The following RIMS1 variants were observed in gnomAD, a reference collection of about 807,000 sequenced individuals.
RIMS1 encodes regulating synaptic membrane exocytosis 1.
In RIMS1, 83 loss-of-function variants were observed where a neutral mutation model predicts 214.1. That is an observed-to-expected ratio of 0.39 (90% CI 0.32 to 0.47). RIMS1 has a LOEUF of 0.47. RIMS1 is among the 20% of genes least tolerant of loss of function. The pLI, the probability that RIMS1 is intolerant of heterozygous loss-of-function variation, is 0.99. For missense variants in RIMS1, 2,050 were observed against 2,161.8 expected, an observed-to-expected ratio of 0.95 and a Z score of 1.03; for synonymous variants, 793 against 786.8, an observed-to-expected ratio of 1.01 and a Z score of -0.13.
At chr6:72,204,009 G>A (rs993177266) in intron 6 of RIMS1, among the ~76,000 whole-genome samples, 3 of 152,130 alleles carry the variant, frequency 2.0e-5, no homozygotes, top group African/African-American at 7.2e-5. Context: ...TATCCAAAAT[G>A]ATTTAACTTA....
rs143696433 is a variant in RIMS1, at chr6:72,129,392, T to A, written c.471+29406T>A. Among the ~76,000 whole-genome samples the A allele has an allele frequency of 8.4e-3, 1,281 of 152,090 alleles. 8 individuals are homozygous for A. The highest frequency in any genetic ancestry group is 0.034 in the South Asian group (166 of 4,818). On this transcript the variant is annotated intron_variant, in intron 4 of 33. Transcript: ENST00000521978. Reference sequence around the variant, plus strand: ...GATGAGATTAGTGACACACTAGGAGTTGGATCATTTTGGTCTGAGTTGCAG... The same window carrying A: ...GATGAGATTAGTGACACACTAGGAGATGGATCATTTTGGTCTGAGTTGCAG...
intron 4 of RIMS1, among the ~76,000 whole-genome samples, chr6:72,146,884 A>C (rs1172325451): frequency 2.0e-5 from 3 of 152,186 alleles, no homozygotes; most frequent in Non-Finnish European, 4.4e-5. Context: ...TTTGATGTAA[A>C]ACCTAGTAAG....
chr6:71,944,168 A>C lies in RIMS1; in HGVS notation c.165-24815A>C, dbSNP rs112591965. Among the ~76,000 whole-genome samples, 122 of 152,342 alleles carry C rather than the reference A, an allele frequency of 8.0e-4. 1 individual carries two copies. The highest frequency in any genetic ancestry group is 2.7e-3 in the African/African-American group (113 of 41,582). ...CTAAGATGAATTAGGTATTATTTTC[A>C]TCTTCATAATGCGTCTTATTACAAA... On this transcript the variant is annotated intron_variant, in intron 1 of 33. Coordinates refer to ENST00000521978, the MANE Select transcript of RIMS1 (RefSeq NM_014989.7).
chr6:72,152,550 TG>T (rs899548141), intron 4 of RIMS1, among the ~76,000 whole-genome samples: 83 of 152,060 alleles, frequency 5.5e-4, no homozygotes, highest in African/African-American at 1.9e-3. Flanking sequence ...AGTGTTCTTG[TG>T]CAGTGTATAT....
At chr6:72,099,878 G>T in intron 3 of RIMS1, 97 bp from the exon 4 acceptor site, 4 of 916,496 alleles carry the variant, frequency 4.4e-6, no homozygotes, top group Non-Finnish European at 5.3e-6. Context: ...ACACATAATT[G>T]TTTTCTTAAA....
chr6:72,193,588 G>A (rs2050400273), intron 6 of RIMS1, among the ~76,000 whole-genome samples: 2 of 152,096 alleles, frequency 1.3e-5, no homozygotes, highest in South Asian at 2.1e-4. Flanking sequence ...GCCTACTAAG[G>A]GTGATTTTGG....
At chr6:71,926,859 A>G (rs1290563000) in intron 1 of RIMS1, among the ~76,000 whole-genome samples, 8 of 152,182 alleles carry the variant, frequency 5.3e-5, no homozygotes, top group African/African-American at 1.9e-4. Context: ...AGACCAGCAG[A>G]GATAATAGGC....
In RIMS1 at chr6:72,160,371, T is replaced by G. The variant is rs1426149989; in HGVS notation, c.472-19204T>G. 1.4e-5 allele frequency among the ~76,000 whole-genome samples: 2 copies of G among 139,882 alleles called. 1 individual carries two copies. Among genetic ancestry groups the G allele is most frequent in the Non-Finnish European group, 3.2e-5 (2 of 61,704 alleles). 91.8% of individuals were successfully genotyped at this position (139,882 alleles called of 152,430 possible). ...TCCTCGTTTCCTAATTGAATACCCT[T>G]TATTTTCTTCTCCTGCCTGATTGCC... is the stretch of plus-strand genomic sequence containing the variant. On this transcript the variant is annotated intron_variant, in intron 4 of 33. Coordinates refer to ENST00000521978, the MANE Select transcript of RIMS1 (RefSeq NM_014989.7).
chr6:72,263,042 T>C lies in RIMS1; in HGVS notation c.3117-1933T>C, dbSNP rs1370261650. The C allele has an allele frequency of 3.4e-6, 3 of 894,504 alleles. No homozygotes were observed. The African/African-American group carries it at 5.4e-5, about 16-fold the overall frequency. 55.4% of individuals were successfully genotyped at this position (894,504 alleles called of 1,614,324 possible). On this transcript the variant is annotated intron_variant, in intron 19 of 33. Transcript: ENST00000521978. ...CGACTAATAGAGTAAGGATTCAAAA[T>C]CAGATCTATTTGATATCTTCTGTTT...
intron 2 of RIMS1, among the ~76,000 whole-genome samples, chr6:72,072,901 A>G (rs981290526): frequency 1.3e-5 from 2 of 152,238 alleles, no homozygotes; most frequent in African/African-American, 4.8e-5. Flanking sequence ...TTGGGATATT[A>G]TCAGTGAGCA....
At chr6:72,087,817 C>A (rs1261016314) in intron 2 of RIMS1, among the ~76,000 whole-genome samples, 1 of 152,160 alleles carries the variant, frequency 6.6e-6, no homozygotes, top group African/African-American at 2.4e-5. Context: ...TATAAAATTT[C>A]CATTGAAAAC....
At chr6:71,897,664 T>TAA (rs1772238658) in intron 1 of RIMS1, among the ~76,000 whole-genome samples, 1 of 152,160 alleles carries the variant, frequency 6.6e-6, no homozygotes, top group Non-Finnish European at 1.5e-5. Flanking sequence ...TTTTGATTGT[T>TAA]TTATTTGATT....
intron 2 of RIMS1, among the ~76,000 whole-genome samples, chr6:72,002,393 A>G (rs1035431577): frequency 6.6e-6 from 1 of 152,176 alleles, no homozygotes; most frequent in Admixed American, 6.5e-5. Context: ...AGACTTGGCA[A>G]CAATACCCCA....
intron 27 of RIMS1, among the ~76,000 whole-genome samples, chr6:72,310,559 G>A (rs1261199282): frequency 6.6e-6 from 1 of 152,016 alleles, no homozygotes; most frequent in Non-Finnish European, 1.5e-5. Context: ...GATGTGATGG[G>A]TTTTGTAGGT....
At chr6:72,215,588 TTAAC>T (rs2055560811) in intron 6 of RIMS1, among the ~76,000 whole-genome samples, 1 of 152,064 alleles carries the variant, frequency 6.6e-6, no homozygotes, top group East Asian at 1.9e-4. Context: ...GAGAAATAAA[TTAAC>T]TAAATAAAAT....
intron 29 of RIMS1, among the ~76,000 whole-genome samples, chr6:72,389,959 T>C (rs2098675861): frequency 6.6e-6 from 1 of 152,092 alleles, no homozygotes; most frequent in South Asian, 2.1e-4. Context: ...TGCAGCTGAG[T>C]CAAAAGGCCA....
intron 2 of RIMS1, among the ~76,000 whole-genome samples, chr6:71,987,183 C>T (rs1584240834): frequency 6.6e-6 from 1 of 152,188 alleles, no homozygotes; most frequent in African/African-American, 2.4e-5. Context: ...ATAAATGATA[C>T]TGTATAAACC....
intron 2 of RIMS1, among the ~76,000 whole-genome samples, chr6:72,069,296 C>T (rs1296733159): frequency 6.6e-6 from 1 of 152,152 alleles, no homozygotes; most frequent in Non-Finnish European, 1.5e-5. Context: ...GCAGCAGCTT[C>T]TGTTGTGGCA....
At chr6:72,030,054 A>C (rs1464104783) in intron 2 of RIMS1, among the ~76,000 whole-genome samples, 1 of 152,208 alleles carries the variant, frequency 6.6e-6, no homozygotes, top group Non-Finnish European at 1.5e-5. Flanking sequence ...AAAGGAAATC[A>C]ATGTCAAAAG....
Sources: gnomAD v4.1 joint callset for allele counts (sites outside exome capture counted in the v4.1 genomes callset) on GRCh38, gnomAD v4.1.1 for gene constraint, MANE v1.5 for transcripts, NCBI Gene and HGNC (gene_info 2026-07-23, HGNC 2026-07-21) for gene names.